Variants in MGAT4C observed in about 807,000 individuals in gnomAD.
MGAT4C encodes the protein MGAT4 family member C.
Under a neutral mutation model 40.1 loss-of-function variants are expected in MGAT4C, and 19 were observed. The observed-to-expected ratio is 0.47, with a 90% confidence interval of 0.33 to 0.70. MGAT4C has a LOEUF of 0.70. Ranked by LOEUF, MGAT4C falls within the 30% of genes least tolerant of loss-of-function variation. The pLI is 0.02. For synonymous variants in MGAT4C, 181 were observed against 187.1 expected (o/e 0.97, Z 0.27); for missense variants, 491 against 563.2 (o/e 0.87, Z 1.30).
At chr12:86,770,446 A>G (rs1381492972) in intron 1 of MGAT4C, among the ~76,000 whole-genome samples, 2 of 152,140 alleles carry the variant, frequency 1.3e-5, no homozygotes, top group East Asian at 3.8e-4. Flanking sequence ...AAATGTTTCA[A>G]GAAACATTAT....
At chr12:86,322,460 C>T (rs1324028651) in intron 4 of MGAT4C, among the ~76,000 whole-genome samples, 2 of 151,470 alleles carry the variant, frequency 1.3e-5, no homozygotes, top group Non-Finnish European at 2.9e-5. Context: ...CATTTTTAGA[C>T]ATATAATCTT....
At chr12:86,743,392 A>C (rs1055424112) in intron 1 of MGAT4C, among the ~76,000 whole-genome samples, 3 of 151,610 alleles carry the variant, frequency 2.0e-5, no homozygotes, top group African/African-American at 7.3e-5. Context: ...GTACATATAC[A>C]TTTTATATTT....
chr12:86,053,602 A>C (rs1565914340), intron 1 of MGAT4C, among the ~76,000 whole-genome samples: 1 of 151,990 alleles, frequency 6.6e-6, no homozygotes, highest in Admixed American at 6.6e-5. Flanking sequence ...TCAAATTAGA[A>C]AGCTCTAAAC....
intron 2 of MGAT4C, among the ~76,000 whole-genome samples, chr12:86,485,478 G>C (rs570031187): frequency 8.4e-4 from 112 of 133,850 alleles, no homozygotes; most frequent in South Asian, 1.8e-3. Context: ...CAAAAATTAG[G>C]AATGTCAGAA....
intron 2 of MGAT4C, among the ~76,000 whole-genome samples, chr12:86,674,696 CA>C (rs1017181339): frequency 1.3e-5 from 2 of 151,672 alleles, no homozygotes; most frequent in African/African-American, 2.4e-5. Context: ...AACTCTGTCT[CA>C]AAAAAATAAA....
chr12:86,675,477 G>A (rs962921533), intron 2 of MGAT4C, among the ~76,000 whole-genome samples: 7 of 152,116 alleles, frequency 4.6e-5, no homozygotes, highest in Admixed American at 1.3e-4. Flanking sequence ...TTTAGGGTCA[G>A]GGAACCAGAT....
At chr12:86,422,831 G>A (rs1248334489) in intron 3 of MGAT4C, among the ~76,000 whole-genome samples, 1 of 152,092 alleles carries the variant, frequency 6.6e-6, no homozygotes, top group Non-Finnish European at 1.5e-5. Context: ...GGGTTACTGT[G>A]ACAAACAAGT....
intron 1 of MGAT4C, among the ~76,000 whole-genome samples, chr12:86,802,445 C>A (rs1252299634): frequency 1.6e-4 from 25 of 151,946 alleles, no homozygotes; most frequent in Non-Finnish European, 7.4e-5. Flanking sequence ...TGAAAATGAT[C>A]ATTCATTAAT....
chr12:86,237,698 A>G (rs1011960846), intron 1 of MGAT4C, among the ~76,000 whole-genome samples: 1 of 151,882 alleles, frequency 6.6e-6, no homozygotes, highest in Non-Finnish European at 1.5e-5. Context: ...TGAAGCTCAC[A>G]GTCTACTTGC....
chr12:86,705,175 G>A (rs118023874), intron 2 of MGAT4C, among the ~76,000 whole-genome samples: 2 of 151,772 alleles, frequency 1.3e-5, no homozygotes, highest in African/African-American at 4.8e-5. Flanking sequence ...GTCTTCCAAG[G>A]TTTTCTAAAC....
chr12:86,333,254 T>C (rs1331625876), intron 4 of MGAT4C, among the ~76,000 whole-genome samples: 1 of 152,112 alleles, frequency 6.6e-6, no homozygotes, highest in African/African-American at 2.4e-5. Context: ...ACAGCCCCCA[T>C]TGGCCATTAT....
At chr12:86,626,502 A>G (rs1164109932) in intron 2 of MGAT4C, among the ~76,000 whole-genome samples, 1 of 152,204 alleles carries the variant, frequency 6.6e-6, no homozygotes, top group Non-Finnish European at 1.5e-5. Context: ...TTTTTAAACT[A>G]TTAAAGAGAA....
At chr12:86,381,469 C>T (rs1364339685) in intron 3 of MGAT4C, among the ~76,000 whole-genome samples, 1 of 152,056 alleles carries the variant, frequency 6.6e-6, no homozygotes, top group South Asian at 2.1e-4. Flanking sequence ...TTCTGAAGTC[C>T]AAGGAAGCAG....
At chr12:86,107,970 T>C (rs1349220567) in intron 1 of MGAT4C, among the ~76,000 whole-genome samples, 1 of 152,090 alleles carries the variant, frequency 6.6e-6, no homozygotes, top group East Asian at 1.9e-4. Flanking sequence ...TGAAGTTGAA[T>C]AAAGCAGAGG....
chr12:86,017,589 C>G (rs1246646632), intron 2 of MGAT4C, among the ~76,000 whole-genome samples: 1 of 152,092 alleles, frequency 6.6e-6, no homozygotes, highest in Non-Finnish European at 1.5e-5. Context: ...AATATTGACA[C>G]TATGTACAGT....
At chr12:86,258,875 C>T (rs1280092868), upstream of MGAT4C, among the ~76,000 whole-genome samples, 1 of 151,904 alleles carries the variant, frequency 6.6e-6, no homozygotes, top group Non-Finnish European at 1.5e-5. Context: ...AGATAATGTA[C>T]TAGAAATACT....
At chr12:86,522,568 T>C (rs909288730) in intron 2 of MGAT4C, among the ~76,000 whole-genome samples, 1 of 152,126 alleles carries the variant, frequency 6.6e-6, no homozygotes, top group Non-Finnish European at 1.5e-5. Context: ...CTTTTTTTGT[T>C]GTATCTTGGC....
intron 2 of MGAT4C, among the ~76,000 whole-genome samples, chr12:86,000,411 T>C (rs1887172134): frequency 6.6e-6 from 1 of 152,098 alleles, no homozygotes; most frequent in African/African-American, 2.4e-5. Context: ...TTCTACAGGA[T>C]AATGGTATAT....
At chr12:86,740,190 T>C (rs934332804) in intron 1 of MGAT4C, among the ~76,000 whole-genome samples, 2 of 151,230 alleles carry the variant, frequency 1.3e-5, no homozygotes, top group Non-Finnish European at 3.0e-5. Context: ...ATGAAGACAA[T>C]AGAATTAATT....
Sources: allele counts gnomAD v4.1 joint callset (sites outside exome capture counted in the v4.1 genomes callset), GRCh38; gene constraint gnomAD v4.1.1; transcripts MANE v1.5; gene names NCBI Gene and HGNC (gene_info 2026-07-23, HGNC 2026-07-21).